The following ZNRF3 variants were observed in gnomAD, a reference collection of about 807,000 sequenced individuals.
ZNRF3 encodes the protein E3 ubiquitin-protein ligase ZNRF3.
ZNRF3 carries 23 observed loss-of-function variants against 72.5 expected under a neutral mutation model. The ratio of observed to expected loss-of-function variants is 0.32; its 90% CI spans 0.23 to 0.45. The LOEUF (loss-of-function observed/expected upper bound fraction) is 0.45, where lower values mean the gene tolerates loss of function less well. Among genes scored for constraint, ZNRF3 ranks in the 20% least tolerant of loss-of-function variants. ZNRF3 has a pLI of 1.00. For missense variants in ZNRF3, 1,169 were observed against 1,272.1 expected, an observed-to-expected ratio of 0.92 and a Z score of 1.23; for synonymous variants, 610 against 545.3, an observed-to-expected ratio of 1.12 and a Z score of -1.65.
intron 1 of ZNRF3, 38 bp from the exon 2 acceptor site, chr22:28,987,038 C>A (rs1325165200): frequency 6.3e-7 from 1 of 1,590,554 alleles, no homozygotes; most frequent in Non-Finnish European, 8.6e-7. Context: ...AAATGTGTAG[C>A]TTGCCTGCTG....
chr22:29,057,203 C>G lies in ZNRF3; in HGVS notation c.*3581C>G, dbSNP rs1174074834. ...AGCTAGAAGACAACTTATGTATATT[C>G]TGTATATGTATAGCAGCACATTTCA... On this transcript the variant is annotated 3_prime_UTR_variant, in exon 9 of 9. Coordinates refer to ENST00000544604, the MANE Select transcript of ZNRF3 (RefSeq NM_001206998.2). 1 of 152,092 alleles carries G rather than the reference C, an allele frequency of 6.6e-6. No individual in the cohort carries two copies. The highest frequency in any genetic ancestry group is 1.5e-5 in the Non-Finnish European group (1 of 68,004). 9.4% of individuals were successfully genotyped at this position (152,092 alleles called of 1,614,324 possible). A position where few individuals can be genotyped will look rare whatever the true frequency, so the allele number is the denominator to read the frequency against.
In ZNRF3 at chr22:28,883,631, C is replaced by T; in HGVS notation, c.-136C>T. 2.3e-6 allele frequency: 2 copies of T among 874,724 alleles called. No individual in the cohort carries two copies. The highest frequency in any genetic ancestry group is 2.7e-6 in the Non-Finnish European group (2 of 728,508). The allele number at this position is 874,724 out of a possible 1,614,324, so 54.2% of individuals were successfully genotyped here. ...CGGCGCGACGGCCGGGGGAGCCGAG[C>T]TGAGCCTGCGACCCACAAAGCCGCC... On this transcript the variant is annotated 5_prime_UTR_variant, in exon 1 of 9. Coordinates refer to ENST00000544604, the MANE Select transcript of ZNRF3 (RefSeq NM_001206998.2). This position sits in a 1 kb window ranked among gnomAD's most constrained non-coding sequence, Gnocchi z 5.5.
chr22:28,919,541 CTT>C (rs1242446288), intron 1 of ZNRF3, among the ~76,000 whole-genome samples: 14 of 140,446 alleles, frequency 1.0e-4, no homozygotes, highest in Non-Finnish European at 9.4e-5. Context: ...AGCCTCTTTA[CTT>C]TTTTTTTTTT....
chr22:28,989,605 G>C (rs1485591968), intron 2 of ZNRF3, among the ~76,000 whole-genome samples: 2 of 152,160 alleles, frequency 1.3e-5, no homozygotes, highest in Admixed American at 6.5e-5. Flanking sequence ...AGGCAGAAAA[G>C]GCATAGGAGG....
intron 1 of ZNRF3, among the ~76,000 whole-genome samples, chr22:28,976,492 T>C (rs2035677578): frequency 6.6e-6 from 1 of 152,204 alleles, no homozygotes; most frequent in Non-Finnish European, 1.5e-5. Context: ...GGTGACAAAG[T>C]GAGACCCCTG....
At chr22:28,938,180 C>T (rs2123784970) in intron 1 of ZNRF3, among the ~76,000 whole-genome samples, 1 of 152,190 alleles carries the variant, frequency 6.6e-6, no homozygotes, top group East Asian at 1.9e-4. Flanking sequence ...TATTTATATA[C>T]ACATGTAATT....
chr22:28,958,630 G>A (rs1363415024), intron 1 of ZNRF3, among the ~76,000 whole-genome samples: 1 of 152,180 alleles, frequency 6.6e-6, no homozygotes, highest in Non-Finnish European at 1.5e-5. Flanking sequence ...CACTGGAAAT[G>A]ATTGCCACTG....
In ZNRF3 at chr22:28,920,436, A is replaced by G. The variant is rs572758743; in HGVS notation, c.300+36370A>G. The stretch of plus-strand genomic sequence containing the variant: ...CACGTGCCCACCACCACGCCCAGCT[A>G]ATTTTTGTATTTTTAGTAGAAATGG... On this transcript the variant is annotated intron_variant, in intron 1 of 8. Coordinates refer to ENST00000544604, the MANE Select transcript of ZNRF3 (RefSeq NM_001206998.2). Among the ~76,000 whole-genome samples the G allele has an allele frequency of 6.0e-5, 9 of 150,730 alleles. No homozygotes were observed. In the South Asian group the frequency reaches 1.9e-3, roughly 32 times the overall value.
At chr22:28,973,413 G>C (rs762542413) in intron 1 of ZNRF3, among the ~76,000 whole-genome samples, 1 of 152,036 alleles carries the variant, frequency 6.6e-6, no homozygotes. Flanking sequence ...TTGCATGAGA[G>C]GTACATGGGC....
chr22:29,053,071 C>T (rs1471553312), intron 8 of ZNRF3, among the ~76,000 whole-genome samples: 1 of 152,188 alleles, frequency 6.6e-6, no homozygotes, highest in Non-Finnish European at 1.5e-5. Flanking sequence ...TTCCTGCTTT[C>T]ACCTCCTGTG....
intron 1 of ZNRF3, among the ~76,000 whole-genome samples, chr22:28,893,641 G>A (rs988231326): frequency 6.6e-6 from 1 of 151,834 alleles, no homozygotes; most frequent in Non-Finnish European, 1.5e-5. Context: ...GGGACTACAG[G>A]TGCACATCAC....
At chr22:28,888,206 A>T (rs1001120174) in intron 1 of ZNRF3, among the ~76,000 whole-genome samples, 1 of 152,210 alleles carries the variant, frequency 6.6e-6, no homozygotes, top group Admixed American at 6.5e-5. Context: ...AGGTCCTTAA[A>T]TATCCGATGT....
At position 29,049,957 on chromosome 22, in the gene ZNRF3, C is replaced by T; in HGVS notation, c.1776C>T (p.Ser592=). ...SCSTFRSSLS[S]DYDPFIYRSR... ...CCACCTTCCGCAGCTCCCTCAGCAG[C>T]GACTATGACCCCTTCATCTACCGCA... is the stretch of plus-strand genomic sequence containing the variant. Residue 592 remains serine (S), a synonymous_variant, in exon 8 of 9, where the codon AGC becomes AGT. Transcript: ENST00000544604. This position sits in a 1 kb window ranked among gnomAD's most constrained non-coding sequence, Gnocchi z 5.2. 3 of 1,611,944 alleles carry T rather than the reference C, an allele frequency of 1.9e-6. No homozygotes were observed. Among genetic ancestry groups the T allele is most frequent in the South Asian group, 1.1e-5 (1 of 90,878 alleles).
In ZNRF3 at chr22:28,976,929, G is replaced by A. The variant is rs118005614; in HGVS notation, c.301-10147G>A. Among the ~76,000 whole-genome samples the A allele has an allele frequency of 6.8e-3, 1,042 of 152,258 alleles. 14 individuals carry two copies. Among genetic ancestry groups the A allele is most frequent in the East Asian group, 0.054 (277 of 5,176 alleles). On this transcript the variant is annotated intron_variant, in intron 1 of 8. Coordinates refer to ENST00000544604, the MANE Select transcript of ZNRF3 (RefSeq NM_001206998.2). ...TAAGTGAGGGTTTGTAAAGTCAGGC[G>A]TGAGATATACATGGGGCCATATGTA...
intron 1 of ZNRF3, among the ~76,000 whole-genome samples, chr22:28,937,213 ATATTTTTTT>A (rs2034853008): frequency 2.4e-4 from 1 of 4,222 alleles, no homozygotes; most frequent in East Asian, 0.025. Context: ...ATATATATAT[ATATTTTTTT>A]TTTTTTTTTT....
intron 2 of ZNRF3, among the ~76,000 whole-genome samples, chr22:29,034,906 T>G (rs528222789): frequency 1.1e-4 from 16 of 152,074 alleles, no homozygotes; most frequent in African/African-American, 3.6e-4. Flanking sequence ...AGTAACCAGT[T>G]AATAACTACC....
intron 1 of ZNRF3, among the ~76,000 whole-genome samples, chr22:28,887,666 T>A (rs536271033): frequency 1.2e-4 from 18 of 152,364 alleles, no homozygotes; most frequent in African/African-American, 4.3e-4. Context: ...CCTGTTTGCT[T>A]GTAAGAGTGT....
At chr22:28,950,765 A>C (rs1233286190) in intron 1 of ZNRF3, among the ~76,000 whole-genome samples, 1 of 152,140 alleles carries the variant, frequency 6.6e-6, no homozygotes, top group Non-Finnish European at 1.5e-5. Flanking sequence ...GTAAATCCTT[A>C]CTGAATGGCA....
At chr22:28,945,886 A>G (rs1356625349) in intron 1 of ZNRF3, among the ~76,000 whole-genome samples, 1 of 152,214 alleles carries the variant, frequency 6.6e-6, no homozygotes, top group Non-Finnish European at 1.5e-5. Context: ...ATGAAATTCT[A>G]TCCACAATCT....
Sources: gnomAD v4.1 joint callset for allele counts (sites outside exome capture counted in the v4.1 genomes callset) on GRCh38, gnomAD v4.1.1 for gene constraint, Gnocchi (gnomAD v3.1) non-coding constraint, MANE v1.5 for transcripts, NCBI Gene and HGNC (gene_info 2026-07-23, HGNC 2026-07-21) for gene names.